RGS19: variants seen among roughly 807,000 people sequenced by gnomAD.
RGS19 encodes the protein G alpha interacting protein.
A neutral mutation model predicts 22.0 loss-of-function variants in RGS19; 9 were observed. The ratio of observed to expected loss-of-function variants is 0.41; its 90% CI spans 0.25 to 0.71. The LOEUF (loss-of-function observed/expected upper bound fraction) is 0.71. Ranked by LOEUF, RGS19 falls within the 30% of genes least tolerant of loss-of-function variation. The pLI, the probability that RGS19 is intolerant of heterozygous loss-of-function variation, is 0.32. For missense variants in RGS19, 256 were observed against 307.1 expected (o/e 0.83, Z 1.24); for synonymous variants, 130 against 127.3 (o/e 1.02, Z -0.14).
At position 64,076,956 on chromosome 20, in the gene RGS19, T is replaced by A. The variant is rs2059910670; in HGVS notation, c.-68-2A>T. ...AGACCCTCACCACAGCCTGGGGGTC[T>A]GGGGAGAGGGGCCAAGGTTCTGACT... On this transcript the variant is annotated splice_acceptor_variant, in intron 1 of 5. Transcript: ENST00000395042. LOFTEE classifies it low-confidence loss of function (5UTR_SPLICE). 2.2e-6 allele frequency: 3 copies of A among 1,384,262 alleles called. No homozygotes were observed. The East Asian group carries it at 8.1e-5, about 37-fold the overall frequency. The allele number at this position is 1,384,262 out of a possible 1,614,324, so 85.7% of individuals were successfully genotyped here.
rs1326722577 is a variant in RGS19 at position 64,075,329 on chromosome 20, C to G, written c.153-788G>C. Among the ~76,000 whole-genome samples the G allele has an allele frequency of 6.6e-6, 1 of 152,244 alleles. No homozygotes were observed. Among genetic ancestry groups the G allele is most frequent in the Non-Finnish European group, 1.5e-5 (1 of 68,046 alleles). ...GTCCACACTCCTTCAGGTTCTGGAG[C>G]CTGATCCCCGGTTGTCTCAAGGGAA... On this transcript the variant is annotated intron_variant, in intron 3 of 5. Coordinates refer to ENST00000395042, the MANE Select transcript of RGS19 (RefSeq NM_005873.3). This position sits in a 1 kb window ranked among gnomAD's most constrained non-coding sequence, Gnocchi z 4.6.
rs1002416386 is a variant in RGS19 at position 64,076,537 on chromosome 20, C to T, written c.140G>A (p.Cys47Tyr). 6.8e-6 allele frequency: 11 copies of T among 1,612,980 alleles called. No individual in the cohort carries two copies. Among genetic ancestry groups the T allele is most frequent in the Non-Finnish European group, 8.5e-6 (10 of 1,179,892 alleles). The change falls in exon 3 of 6, where the codon TGT (cysteine) becomes TAT (tyrosine). Residue 47 changes from cysteine (C) to tyrosine (Y), a missense_variant. Cys to Tyr is a radical substitution (Grantham distance 194). Transcript: ENST00000395042. Reference protein sequence around the residue: ...NPCCLCWCCCCSCSWNQERRR... With the variant: ...NPCCLCWCCCYSCSWNQERRR... ...AGGCCCTACTCACCAGGAGCAGCTA[C>T]AGCAGCAGCACCAGCACAGGCAGCA...
At position 64,076,846 on chromosome 20, in the gene RGS19, A is replaced by C. The variant is rs1001361529; in HGVS notation, c.30+11T>G. 1.9e-6 allele frequency: 3 copies of C among 1,567,662 alleles called. No individual in the cohort carries two copies. In the Admixed American group the frequency reaches 6.3e-5, roughly 33 times the overall value. ...CCCAGGGGAGCAGAGGCAGAGGGGGAGGTGGCATACCTGCTTCTCAGCCTC... is the reference window on the plus strand; with the variant it reads ...CCCAGGGGAGCAGAGGCAGAGGGGGCGGTGGCATACCTGCTTCTCAGCCTC... On this transcript the variant is annotated intron_variant, in intron 2 of 5. Coordinates refer to ENST00000395042, the MANE Select transcript of RGS19 (RefSeq NM_005873.3).
At chr20:64,074,112 C>T (rs369006996) in intron 5 of RGS19, 32 bp downstream of exon 5, 49 of 1,603,506 alleles carry the variant, frequency 3.1e-5, no homozygotes, top group African/African-American at 1.7e-4. Flanking sequence ...CTGGAGCAGG[C>T]GGCCCCCGGC....
At chr20:64,079,669 A>G, upstream of RGS19, 1 of 151,446 alleles carries the variant, frequency 6.6e-6, no homozygotes, top group Non-Finnish European at 1.5e-5. The surrounding 1 kb of genome is among the most constrained non-coding windows in gnomAD (Gnocchi z 5.1). Flanking sequence ...AAAAAGGGGA[A>G]CCCGGCTGCG....
In RGS19 at chr20:64,073,233, G is replaced by C. The variant is rs144099006; in HGVS notation, c.*620C>G. The C allele has an allele frequency of 6.6e-6, 1 of 152,234 alleles. No individual in the cohort carries two copies. The highest frequency in any genetic ancestry group is 2.4e-5 in the African/African-American group (1 of 41,456). 9.4% of individuals were successfully genotyped at this position (152,234 alleles called of 1,614,324 possible). ...AGACATCCTATTTTTGGGGGGTTAGGGATAGAGATAAATATGAAAACTTTT... is the reference window on the plus strand; with the variant it reads ...AGACATCCTATTTTTGGGGGGTTAGCGATAGAGATAAATATGAAAACTTTT... On this transcript the variant is annotated 3_prime_UTR_variant, in exon 6 of 6. Transcript: ENST00000395042.
chr20:64,077,069 C>T, intron 1 of RGS19, 115 bp from the exon 2 acceptor site: 1 of 551,700 alleles, frequency 1.8e-6, no homozygotes, highest in African/African-American at 2.0e-5. Flanking sequence ...TGCCTCTGGA[C>T]CCAGCTCTGC....
At chr20:64,079,935 A>C (rs1276244866), upstream of RGS19, 8 of 147,364 alleles carry the variant, frequency 5.4e-5, no homozygotes, top group Non-Finnish European at 9.1e-5. The surrounding 1 kb of genome is among the most constrained non-coding windows in gnomAD (Gnocchi z 5.1). Context: ...CCGGCCCGAC[A>C]GTCGGGGAGG....
Position 64,073,715 on chromosome 20 carries a change from C to T in RGS19, c.*138G>A. ...GACCCAGGAGACACAGCACTCCCCA[C>T]TGGGTCTAGGACCGTCTCCGCGGGT... On this transcript the variant is annotated 3_prime_UTR_variant, in exon 6 of 6. Transcript: ENST00000395042. 1 of 733,086 alleles carries T rather than the reference C, an allele frequency of 1.4e-6. No individual in the cohort carries two copies. The highest frequency in any genetic ancestry group is 1.9e-5 in the South Asian group (1 of 51,812). The allele number at this position is 733,086 out of a possible 1,614,324, so 45.4% of individuals were successfully genotyped here. A position where few individuals can be genotyped will look rare whatever the true frequency, so the allele number is the denominator to read the frequency against.
In RGS19 at chr20:64,075,729, G is replaced by A. The variant is rs1344591455; in HGVS notation, c.152+796C>T. On this transcript the variant is annotated intron_variant, in intron 3 of 5. Transcript: ENST00000395042. This position sits in a 1 kb window ranked among gnomAD's most constrained non-coding sequence, Gnocchi z 4.6. ...CACAGGGATGCCCAGAGACGTCCCC[G>A]CCACCGCCCCCTGCTCTTCTTCCCC... Among the ~76,000 whole-genome samples, 1 of 152,010 alleles carries A rather than the reference G, an allele frequency of 6.6e-6. No individual in the cohort carries two copies. The highest frequency in any genetic ancestry group is 1.5e-5 in the Non-Finnish European group (1 of 67,980).
At position 64,075,832 on chromosome 20, in the gene RGS19, C is replaced by T. The variant is rs1393180474; in HGVS notation, c.152+693G>A. On this transcript the variant is annotated intron_variant, in intron 3 of 5. Transcript: ENST00000395042. This position sits in a 1 kb window ranked among gnomAD's most constrained non-coding sequence, Gnocchi z 4.6. ...CTTATTGGGGTCTCTGTTCAAACGT[C>T]CCTCCACCCCACACACTGTATGGGG... 1.2e-4 allele frequency among the ~76,000 whole-genome samples: 18 copies of T among 152,066 alleles called. No homozygotes were observed. Among genetic ancestry groups the T allele is most frequent in the African/African-American group, 2.4e-5 (1 of 41,422 alleles).
At chr20:64,077,470 G>A (rs959238561) in intron 1 of RGS19, among the ~76,000 whole-genome samples, 1 of 152,166 alleles carries the variant, frequency 6.6e-6, no homozygotes, top group African/African-American at 2.4e-5. Flanking sequence ...GCAGCAGTGA[G>A]GATTTAAGTG....
rs191656672 is a variant in RGS19, at chr20:64,074,139, C to G, written c.462+5G>C. 6.2e-7 allele frequency: 1 copy of G among 1,610,790 alleles called. No individual in the cohort carries two copies. Among genetic ancestry groups the G allele is most frequent in the Non-Finnish European group, 8.5e-7 (1 of 1,177,496 alleles). Reference sequence around the variant, plus strand: ...GCCCCCGGCCTGTTCTGGTGTCTGGCGCACCTCCTTGGGGGACAGGATGGA... The same window carrying G: ...GCCCCCGGCCTGTTCTGGTGTCTGGGGCACCTCCTTGGGGGACAGGATGGA... On this transcript the variant is annotated splice_donor_5th_base_variant and intron_variant, in intron 5 of 5. Transcript: ENST00000395042.
intron 2 of RGS19, 31 bp downstream of exon 2, chr20:64,076,826 G>C: frequency 6.3e-7 from 1 of 1,576,150 alleles, no homozygotes; most frequent in Non-Finnish European, 8.6e-7. Flanking sequence ...TCTCCCCCAG[G>C]GGAGCAGAGG....
In RGS19 at chr20:64,074,549, C is replaced by A; in HGVS notation, c.153-8G>T. 1 of 1,552,990 alleles carries A rather than the reference C, an allele frequency of 6.4e-7. No individual in the cohort carries two copies. Among genetic ancestry groups the A allele is most frequent in the Admixed American group, 1.9e-5 (1 of 51,504 alleles). ...CGCCGCCGCTCTTGGTTCCTAGTGG[C>A]AGAGAGGAAGCAGCGCTGCCGTGGG... On this transcript the variant is annotated splice_polypyrimidine_tract_variant and splice_region_variant and intron_variant, in intron 3 of 5. Coordinates refer to ENST00000395042, the MANE Select transcript of RGS19 (RefSeq NM_005873.3).
rs199908759 is a variant in RGS19, at chr20:64,074,521, G to A, written c.173C>T (p.Ala58Val). 104 of 1,564,844 alleles carry A rather than the reference G, an allele frequency of 6.6e-5. No homozygotes were observed. The East Asian group carries it at 2.2e-3, about 33-fold the overall frequency. ...SCSWNQERRR[A>V]WQASRESKLQ... Reference sequence around the variant, plus strand: ...CTTGCTCTCCCGGGAGGCCTGCCACGCGCGCCGCCGCTCTTGGTTCCTAGT... The same window carrying A: ...CTTGCTCTCCCGGGAGGCCTGCCACACGCGCCGCCGCTCTTGGTTCCTAGT... Residue 58 changes from alanine to valine, a missense_variant, in exon 4 of 6, where the codon GCG becomes GTG. By Grantham distance (64) the Ala-to-Val change is moderately conservative. Coordinates refer to ENST00000395042, the MANE Select transcript of RGS19 (RefSeq NM_005873.3).
intron 1 of RGS19, 189 bp from the exon 2 acceptor site, chr20:64,077,143 G>A: frequency 2.4e-6 from 1 of 410,132 alleles, no homozygotes; most frequent in Non-Finnish European, 4.3e-6. Context: ...GATCATTGAG[G>A]AGGGAGCTGC....
Position 64,076,960 on chromosome 20 carries a change from G to T in RGS19, c.-68-6C>A. 7.4e-7 allele frequency: 1 copy of T among 1,354,994 alleles called. No individual in the cohort carries two copies. Among genetic ancestry groups the T allele is most frequent in the Non-Finnish European group, 9.8e-7 (1 of 1,021,790 alleles). The allele number at this position is 1,354,994 out of a possible 1,614,324, so 83.9% of individuals were successfully genotyped here. A position where few individuals can be genotyped will look rare whatever the true frequency, so the allele number is the denominator to read the frequency against. On this transcript the variant is annotated splice_region_variant and splice_polypyrimidine_tract_variant and intron_variant, in intron 1 of 5. Transcript: ENST00000395042. Reference sequence around the variant, plus strand: ...CCTCACCACAGCCTGGGGGTCTGGGGAGAGGGGCCAAGGTTCTGACTGAGA... The same window carrying T: ...CCTCACCACAGCCTGGGGGTCTGGGTAGAGGGGCCAAGGTTCTGACTGAGA...
rs754744419 is a variant in RGS19, at chr20:64,074,342, C to T, written c.264G>A (p.Ala88=). Reference sequence around the variant, plus strand: ...TGTGCATCAGCTTGTCAAAAGACTGCGCCCAGCTCTGCACCTCCTCAGGAC... The same window carrying T: ...TGTGCATCAGCTTGTCAAAAGACTGTGCCCAGCTCTGCACCTCCTCAGGAC... ...TPSPEEVQSW[A]QSFDKLMHSP... The change falls in exon 5 of 6, where the codon GCG becomes GCA. Residue 88 remains alanine, a synonymous_variant. Transcript: ENST00000395042. The T allele has an allele frequency of 3.0e-5, 48 of 1,611,718 alleles. No homozygotes were observed. The highest frequency in any genetic ancestry group is 6.7e-5 in the East Asian group (3 of 44,878).
Sources: gnomAD v4.1 joint callset for allele counts (sites outside exome capture counted in the v4.1 genomes callset) on GRCh38, gnomAD v4.1.1 for gene constraint, Gnocchi (gnomAD v3.1) non-coding constraint, MANE v1.5 for transcripts, NCBI Gene and HGNC (gene_info 2026-07-23, HGNC 2026-07-21) for gene names.